GPHN: variants seen among roughly 807,000 people sequenced by gnomAD.
GPHN encodes the protein gephyrin.
In GPHN, 17 loss-of-function variants were observed where a neutral mutation model predicts 95.5. The observed-to-expected ratio is 0.18, with a 90% CI of 0.12 to 0.27. The LOEUF (loss-of-function observed/expected upper bound fraction) is 0.27, where lower values mean the gene tolerates loss of function less well. Ranked by LOEUF, GPHN falls within the 10% of genes least tolerant of loss-of-function variation. GPHN has a pLI of 1.00. For missense variants in GPHN, 660 were observed against 978.1 expected, an observed-to-expected ratio of 0.67 and a Z score of 4.34; for synonymous variants, 320 against 322.5, an observed-to-expected ratio of 0.99 and a Z score of 0.08.
At chr14:67,469,728 C>T in the GPHN span, among the ~76,000 whole-genome samples, 1 of 152,134 alleles carries the variant, frequency 6.6e-6, no homozygotes, top group Non-Finnish European at 1.5e-5. Context: ...AGATTACTCC[C>T]TCCAAATGCA....
the GPHN span, among the ~76,000 whole-genome samples, chr14:67,712,880 T>TA: frequency 6.6e-6 from 1 of 151,648 alleles, no homozygotes; most frequent in Non-Finnish European, 1.5e-5. Flanking sequence ...GTAATCAAAA[T>TA]AAAAAAATGT....
the GPHN span, among the ~76,000 whole-genome samples, chr14:67,448,335 T>G: frequency 6.6e-6 from 1 of 151,894 alleles, no homozygotes; most frequent in Middle Eastern, 3.4e-3. Context: ...AGAGACAGGG[T>G]TTCACCATGT....
the GPHN span, among the ~76,000 whole-genome samples, chr14:67,474,778 ACTCTGGGTGC>A: frequency 6.6e-6 from 1 of 151,728 alleles, no homozygotes. Flanking sequence ...GAATTTGACT[ACTCTGGGTGC>A]CTCATATAAG....
chr14:66,814,738 C>CA (rs2060896823), intron 3 of GPHN, among the ~76,000 whole-genome samples: 1 of 152,138 alleles, frequency 6.6e-6, no homozygotes, highest in South Asian at 2.1e-4. Context: ...GCTGAAAACT[C>CA]AAAAAGCTAG....
chr14:67,147,428 A>G (rs538443308), intron 18 of GPHN, among the ~76,000 whole-genome samples: 1 of 152,262 alleles, frequency 6.6e-6, no homozygotes, highest in Non-Finnish European at 1.5e-5. Flanking sequence ...ATTTGCTTCC[A>G]TAACCAATAA....
chr14:67,419,720 G>T, the GPHN span, among the ~76,000 whole-genome samples: 1 of 152,100 alleles, frequency 6.6e-6, no homozygotes, highest in Admixed American at 6.5e-5. Flanking sequence ...GTGGTGGCGG[G>T]CTCCTGTAGT....
Position 66,811,853 on chromosome 14 carries a change from A to G in GPHN, c.202-12621A>G, listed in dbSNP as rs139721295. On this transcript the variant is annotated intron_variant, in intron 3 of 22. Transcript: ENST00000478722. Reference sequence around the variant, plus strand: ...TTGAATAGCTCCTATCAGAGCTCCTATCTGTATCACAAGTAACTATTATAA... The same window carrying G: ...TTGAATAGCTCCTATCAGAGCTCCTGTCTGTATCACAAGTAACTATTATAA... 2.5e-3 allele frequency among the ~76,000 whole-genome samples: 382 copies of G among 152,332 alleles called. 9 individuals are homozygous for G. Among genetic ancestry groups the G allele is most frequent in the East Asian group, 0.018 (91 of 5,188 alleles).
intron 17 of GPHN, among the ~76,000 whole-genome samples, chr14:67,133,834 A>T (rs1156915847): frequency 3.9e-5 from 6 of 152,186 alleles, no homozygotes; most frequent in African/African-American, 1.4e-4. Flanking sequence ...AACTCTACAG[A>T]GAGTGCTATT....
the GPHN span, chr14:67,691,407 AG>A: frequency 7.0e-6 from 4 of 574,614 alleles, no homozygotes; most frequent in Non-Finnish European, 1.2e-5. Flanking sequence ...TTAAGACTTT[AG>A]TTGAATCCCA....
the GPHN span, chr14:67,332,898 GGTTA>G: frequency 6.2e-7 from 1 of 1,613,956 alleles, no homozygotes; most frequent in Admixed American, 1.7e-5. Context: ...GAATTGCTTA[GGTTA>G]ATTAACAAAC....
intron 3 of GPHN, among the ~76,000 whole-genome samples, chr14:66,823,793 A>T (rs1487594598): frequency 6.6e-6 from 1 of 152,220 alleles, no homozygotes. Flanking sequence ...CACAACAGTT[A>T]TCGGCAATTA....
At chr14:66,973,205 C>T (rs1011592057) in intron 9 of GPHN, among the ~76,000 whole-genome samples, 2 of 152,086 alleles carry the variant, frequency 1.3e-5, no homozygotes, top group Admixed American at 1.3e-4. Flanking sequence ...AGATCTGATC[C>T]AATGACTACC....
the GPHN span, among the ~76,000 whole-genome samples, chr14:67,415,073 A>T: frequency 6.6e-6 from 1 of 152,264 alleles, no homozygotes; most frequent in Non-Finnish European, 1.5e-5. Flanking sequence ...TGTCTGCAGA[A>T]CTGGAAAAGA....
At chr14:67,723,003 A>G in the GPHN span, among the ~76,000 whole-genome samples, 2 of 152,184 alleles carry the variant, frequency 1.3e-5, no homozygotes, top group Non-Finnish European at 2.9e-5. Context: ...CAAACACCTT[A>G]GGTGGGAGTC....
At chr14:67,564,722 A>G in the GPHN span, among the ~76,000 whole-genome samples, 10 of 135,322 alleles carry the variant, frequency 7.4e-5, no homozygotes, top group Admixed American at 7.5e-5. Context: ...AGTCTTGCTC[A>G]GTCTTGCCCA....
the GPHN span, among the ~76,000 whole-genome samples, chr14:67,370,035 T>C: frequency 1.3e-5 from 2 of 152,230 alleles, no homozygotes; most frequent in African/African-American, 4.8e-5. Context: ...CTATAGATAC[T>C]AAATTAACTA....
chr14:67,015,590 G>T (rs553045461), intron 9 of GPHN, among the ~76,000 whole-genome samples: 2 of 151,984 alleles, frequency 1.3e-5, no homozygotes. Context: ...CCAGCTACTC[G>T]GGAGGCTGAG....
At chr14:66,850,519 A>G (rs1293595737) in intron 4 of GPHN, among the ~76,000 whole-genome samples, 1 of 152,088 alleles carries the variant, frequency 6.6e-6, no homozygotes, top group Non-Finnish European at 1.5e-5. Context: ...GTATTTTTAC[A>G]TGGAAACTAT....
chr14:67,381,159 C>T, the GPHN span, among the ~76,000 whole-genome samples: 5 of 152,194 alleles, frequency 3.3e-5, no homozygotes, highest in Admixed American at 6.5e-5. Context: ...GAATCTTTCT[C>T]ATTCTTTTTT....
Sources: allele counts gnomAD v4.1 joint callset (sites outside exome capture counted in the v4.1 genomes callset), GRCh38; gene constraint gnomAD v4.1.1; transcripts MANE v1.5; gene names NCBI Gene and HGNC (gene_info 2026-07-23, HGNC 2026-07-21).